Variants in ZNF385D observed in about 807,000 individuals in gnomAD.
ZNF385D encodes the protein zinc finger protein 385D.
A neutral mutation model predicts 35.8 loss-of-function variants in ZNF385D; 15 were observed. That is an observed-to-expected ratio of 0.42 (90% CI 0.28 to 0.64). The LOEUF is 0.64. ZNF385D is among the 30% of genes least tolerant of loss of function. The pLI is 0.23. For missense variants in ZNF385D, 474 were observed against 494.6 expected, an observed-to-expected ratio of 0.96 and a Z score of 0.39; for synonymous variants, 212 against 186.8, an observed-to-expected ratio of 1.13 and a Z score of -1.10.
intron 3 of ZNF385D, among the ~76,000 whole-genome samples, chr3:21,558,238 T>C (rs145903244): frequency 1.3e-5 from 2 of 152,172 alleles, no homozygotes; most frequent in African/African-American, 4.8e-5. Context: ...TTCTTTTAAT[T>C]GTGATGTTAG....
At chr3:22,164,449 G>T (rs956463764) in intron 3 of ZNF385D, among the ~76,000 whole-genome samples, 1 of 151,444 alleles carries the variant, frequency 6.6e-6, no homozygotes, top group Non-Finnish European at 1.5e-5. Context: ...GGATGGTCTC[G>T]ATCTCTTGAC....
intron 2 of ZNF385D, among the ~76,000 whole-genome samples, chr3:22,266,005 A>T (rs774213992): frequency 6.6e-6 from 1 of 151,948 alleles, no homozygotes; most frequent in Non-Finnish European, 1.5e-5. Flanking sequence ...CTAACTCTAC[A>T]GGCCATCTTG....
chr3:22,161,125 A>C (rs1358625118), intron 3 of ZNF385D, among the ~76,000 whole-genome samples: 1 of 152,112 alleles, frequency 6.6e-6, no homozygotes, highest in Non-Finnish European at 1.5e-5. Context: ...ATTAGAAAAC[A>C]AAATGGCAAA....
intron 2 of ZNF385D, among the ~76,000 whole-genome samples, chr3:22,344,184 G>T (rs1335700613): frequency 1.3e-5 from 2 of 151,274 alleles, no homozygotes; most frequent in Non-Finnish European, 3.0e-5. Context: ...TGGGGTGTGT[G>T]TGTGTGTGTG....
chr3:21,589,879 CTT>C (rs997620213), intron 2 of ZNF385D, among the ~76,000 whole-genome samples: 5 of 152,054 alleles, frequency 3.3e-5, no homozygotes, highest in African/African-American at 4.8e-5. Flanking sequence ...AAAAAGAACT[CTT>C]ATACATCTAG....
rs1400059616 is a variant in ZNF385D at position 21,564,558 on chromosome 3, T to G, written c.276+16A>C. 1.2e-5 allele frequency: 17 copies of G among 1,452,168 alleles called. No homozygotes were observed. The highest frequency in any genetic ancestry group is 1.6e-5 in the Non-Finnish European group (17 of 1,077,372). 90.0% of individuals were successfully genotyped at this position (1,452,168 alleles called of 1,614,324 possible). ...GTATTTTTTTTTTTTAAGTGAACACTAAATGATAAACTTACATCAGAATTA... is the reference window on the plus strand; with the variant it reads ...GTATTTTTTTTTTTTAAGTGAACACGAAATGATAAACTTACATCAGAATTA... On this transcript the variant is annotated intron_variant, in intron 3 of 7. Transcript: ENST00000281523.
intron 2 of ZNF385D, among the ~76,000 whole-genome samples, chr3:22,365,516 CTTTA>C (rs1696617651): frequency 6.6e-6 from 1 of 151,952 alleles, no homozygotes; most frequent in South Asian, 2.1e-4. Context: ...TGCAAACAAA[CTTTA>C]TTTTAGTTCA....
chr3:21,652,778 T>C (rs993882966), intron 2 of ZNF385D, among the ~76,000 whole-genome samples: 1 of 152,206 alleles, frequency 6.6e-6, no homozygotes, highest in African/African-American at 2.4e-5. Context: ...TCCAGTAGTA[T>C]TAATATTTTG....
At position 22,220,252 on chromosome 3, in the gene ZNF385D, A is replaced by G. The variant is rs145321702; in HGVS notation, c.107-51217T>C. On this transcript the variant is annotated intron_variant, in intron 2 of 5. Coordinates refer to the ZNF385D transcript ENST00000494108. ...CTAATGATTTCGAGTTTTCATAGAG[A>G]CAAGATCTCACTATGTTGCCCAGAC... Among the ~76,000 whole-genome samples, 752 of 151,948 alleles carry G rather than the reference A, an allele frequency of 4.9e-3. 3 individuals are homozygous for G. Among genetic ancestry groups the G allele is most frequent in the African/African-American group, 0.017 (717 of 41,476 alleles).
intron 2 of ZNF385D, among the ~76,000 whole-genome samples, chr3:21,645,706 C>T (rs559709568): frequency 6.6e-6 from 1 of 152,134 alleles, no homozygotes; most frequent in Non-Finnish European, 1.5e-5. Flanking sequence ...AGCCAAGTTT[C>T]CTGCCAACAG....
chr3:21,425,539 A>G lies in ZNF385D; in HGVS notation c.805T>C (p.Cys269Arg). The change falls in exon 6 of 8, where the codon TGT becomes CGT. Residue 269 changes from cysteine to arginine, a missense_variant. Coordinates refer to ENST00000281523, the MANE Select transcript of ZNF385D (RefSeq NM_024697.3). ...NTGLQNKTFHCEICDVHVNSE... is the reference protein window; with the variant it reads ...NTGLQNKTFHREICDVHVNSE... ...TTGACGTGCACATCACAGATTTCAC[A>G]GTGAAATGTTTTATTTTGGAGGCCT... The G allele has an allele frequency of 6.2e-7, 1 of 1,611,698 alleles. No homozygotes were observed. Among genetic ancestry groups the G allele is most frequent in the Non-Finnish European group, 8.5e-7 (1 of 1,178,884 alleles).
At chr3:22,208,610 ACCT>A (rs1303900646) in intron 2 of ZNF385D, among the ~76,000 whole-genome samples, 1 of 151,730 alleles carries the variant, frequency 6.6e-6, no homozygotes, top group African/African-American at 2.4e-5. Flanking sequence ...TGTAATGAAT[ACCT>A]CATTTCCCCT....
chr3:21,707,418 C>T (rs1271041344), intron 1 of ZNF385D, among the ~76,000 whole-genome samples: 12 of 152,104 alleles, frequency 7.9e-5, no homozygotes, highest in Non-Finnish European at 1.5e-4. Context: ...AGGATCATTA[C>T]CAGGAGGCTT....
intron 3 of ZNF385D, among the ~76,000 whole-genome samples, chr3:21,881,598 C>T (rs944226889): frequency 1.3e-5 from 2 of 151,990 alleles, no homozygotes; most frequent in African/African-American, 4.8e-5. Context: ...TGCCTGCTAA[C>T]ATAAGATGCA....
intron 3 of ZNF385D, among the ~76,000 whole-genome samples, chr3:22,085,174 A>G (rs1700963339): frequency 6.7e-6 from 1 of 148,440 alleles, no homozygotes; most frequent in Non-Finnish European, 1.5e-5. Context: ...TAAACTAGAG[A>G]AGCAAGAGCG....
chr3:22,342,263 C>G (rs894950508), intron 2 of ZNF385D, among the ~76,000 whole-genome samples: 18 of 102,084 alleles, frequency 1.8e-4, no homozygotes, highest in Non-Finnish European at 2.6e-4. Context: ...GGCGACAGAG[C>G]AAGACTCCGC....
At chr3:22,144,888 A>G (rs895886903) in intron 3 of ZNF385D, among the ~76,000 whole-genome samples, 40 of 152,332 alleles carry the variant, frequency 2.6e-4, no homozygotes, top group African/African-American at 8.9e-4. Flanking sequence ...TCATGAAATT[A>G]TGGTTAAATA....
At chr3:22,005,576 G>A (rs748639398) in intron 3 of ZNF385D, among the ~76,000 whole-genome samples, 27 of 151,810 alleles carry the variant, frequency 1.8e-4, no homozygotes, top group Non-Finnish European at 2.8e-4. Context: ...AATTACACAC[G>A]TATCAAAATA....
At chr3:21,599,790 T>G (rs2064228436) in intron 2 of ZNF385D, among the ~76,000 whole-genome samples, 1 of 152,224 alleles carries the variant, frequency 6.6e-6, no homozygotes, top group African/African-American at 2.4e-5. Flanking sequence ...GAGACTGGAC[T>G]GCACTGGCAG....
Sources: gnomAD v4.1 joint callset for allele counts (sites outside exome capture counted in the v4.1 genomes callset) on GRCh38, gnomAD v4.1.1 for gene constraint, MANE v1.5 for transcripts, NCBI Gene and HGNC (gene_info 2026-07-23, HGNC 2026-07-21) for gene names.